Variants in PLXDC2 observed in about 807,000 individuals in gnomAD.
PLXDC2 encodes the protein plexin domain-containing protein 2.
PLXDC2 carries 40 observed loss-of-function variants against 68.9 expected under a neutral mutation model. That is an observed-to-expected ratio of 0.58 (90% CI 0.45 to 0.76). The LOEUF is 0.76. Among genes scored for constraint, PLXDC2 ranks in the 30% least tolerant of loss-of-function variants. The probability of loss-of-function intolerance (pLI) is 0.00; values close to 1 mark genes in which losing one functional copy is unlikely to be tolerated. For synonymous variants in PLXDC2, 243 were observed against 234.2 expected (o/e 1.04, Z -0.34); for missense variants, 644 against 661.9 (o/e 0.97, Z 0.30).
intron 3 of PLXDC2, among the ~76,000 whole-genome samples, chr10:20,067,884 A>C (rs1836240491): frequency 6.6e-6 from 1 of 152,140 alleles, no homozygotes. Flanking sequence ...AGTCAAACTA[A>C]AAAGAACCTC....
At position 20,238,475 on chromosome 10, in the gene PLXDC2, C is replaced by T. The variant is rs187906126; in HGVS notation, c.1313-6870C>T. Among the ~76,000 whole-genome samples the T allele has an allele frequency of 4.7e-3, 706 of 150,048 alleles. 9 individuals are homozygous for T. The highest frequency in any genetic ancestry group is 0.014 in the African/African-American group (574 of 41,068). ...CAGCCTGGCCAACAGGGTGAAACCCCGTCTCTACTAAAAACACAAAAATTA... is the reference window on the plus strand; with the variant it reads ...CAGCCTGGCCAACAGGGTGAAACCCTGTCTCTACTAAAAACACAAAAATTA... On this transcript the variant is annotated intron_variant, in intron 12 of 13. Coordinates refer to ENST00000377252, the MANE Select transcript of PLXDC2 (RefSeq NM_032812.9).
intron 12 of PLXDC2, among the ~76,000 whole-genome samples, chr10:20,223,362 G>C (rs546470174): frequency 4.9e-5 from 7 of 143,362 alleles, no homozygotes; most frequent in African/African-American, 1.5e-4. Flanking sequence ...CCCCCGGCTG[G>C]AGTGCAGTGA....
chr10:20,074,739 T>G (rs1326077101), intron 4 of PLXDC2, among the ~76,000 whole-genome samples: 1 of 152,188 alleles, frequency 6.6e-6, no homozygotes, highest in Non-Finnish European at 1.5e-5. Flanking sequence ...AAGATAGTTA[T>G]TACTCATGAT....
At position 20,143,421 on chromosome 10, in the gene PLXDC2, T is replaced by A; in HGVS notation, c.664+4T>A. The stretch of plus-strand genomic sequence containing the variant: ...ACTGTCAGATATTTTGATAATGGTA[T>A]GTGTTGAGTAGCCTATTTTTTGCTG... On this transcript the variant is annotated splice_donor_region_variant and intron_variant, in intron 5 of 13. Transcript: ENST00000377252. The A allele has an allele frequency of 6.2e-7, 1 of 1,612,438 alleles. No homozygotes were observed. Among genetic ancestry groups the A allele is most frequent in the African/African-American group, 1.3e-5 (1 of 75,000 alleles).
chr10:20,211,053 G>A (rs951063005), intron 9 of PLXDC2, among the ~76,000 whole-genome samples: 6 of 152,094 alleles, frequency 3.9e-5, no homozygotes, highest in Non-Finnish European at 8.8e-5. Flanking sequence ...CTATCTGCAT[G>A]GCTCAAGACC....
At chr10:20,227,752 AGTAGTT>A (rs1835305285) in intron 12 of PLXDC2, among the ~76,000 whole-genome samples, 1 of 152,176 alleles carries the variant, frequency 6.6e-6, no homozygotes, top group South Asian at 2.1e-4. Context: ...TTACATGTTT[AGTAGTT>A]GACCCTTGAA....
chr10:20,275,020 A>G (rs1835987966), intron 13 of PLXDC2, among the ~76,000 whole-genome samples: 1 of 152,188 alleles, frequency 6.6e-6, no homozygotes, highest in African/African-American at 2.4e-5. Context: ...ATTCAACACA[A>G]AATAAGGAAA....
intron 9 of PLXDC2, among the ~76,000 whole-genome samples, chr10:20,191,514 A>G (rs1303455492): frequency 1.3e-5 from 2 of 150,954 alleles, no homozygotes; most frequent in Non-Finnish European, 3.0e-5. Flanking sequence ...CATCAGAATT[A>G]TTCTCTCCTT....
intron 1 of PLXDC2, among the ~76,000 whole-genome samples, chr10:19,981,024 T>C (rs1834541956): frequency 6.6e-6 from 1 of 152,228 alleles, no homozygotes; most frequent in Non-Finnish European, 1.5e-5. Context: ...AATTGGTGCT[T>C]AATGATTTTT....
chr10:19,911,154 C>A (rs953062465), intron 1 of PLXDC2, among the ~76,000 whole-genome samples: 2 of 151,796 alleles, frequency 1.3e-5, no homozygotes, highest in African/African-American at 4.8e-5. Context: ...TTCCTTGATC[C>A]AAGACCATAT....
intron 4 of PLXDC2, among the ~76,000 whole-genome samples, chr10:20,075,214 G>C (rs971577688): frequency 1.5e-4 from 23 of 152,126 alleles, no homozygotes; most frequent in Middle Eastern, 3.4e-3. Context: ...TTGTAGACAG[G>C]ATCTCACTCT....
intron 2 of PLXDC2, among the ~76,000 whole-genome samples, chr10:20,023,203 A>C (rs1432555668): frequency 4.0e-5 from 6 of 151,598 alleles, no homozygotes; most frequent in Non-Finnish European, 7.4e-5. Flanking sequence ...CATTAAAAAG[A>C]AATAAAACAT....
chr10:20,164,641 G>T, intron 7 of PLXDC2, 74 bp downstream of exon 7: 3 of 1,124,650 alleles, frequency 2.7e-6, no homozygotes, highest in Non-Finnish European at 4.0e-6. Context: ...GTCTATGGCA[G>T]CTGTACCTGA....
chr10:19,824,719 A>G (rs1836539639), intron 1 of PLXDC2, among the ~76,000 whole-genome samples: 1 of 152,238 alleles, frequency 6.6e-6, no homozygotes, highest in Admixed American at 6.5e-5. Context: ...TGTGTTATAC[A>G]TTAACAGGAT....
intron 12 of PLXDC2, among the ~76,000 whole-genome samples, chr10:20,231,640 T>C (rs1835365736): frequency 6.6e-6 from 1 of 151,776 alleles, no homozygotes; most frequent in East Asian, 1.9e-4. Context: ...ATTAACACAG[T>C]CATAAGCTTT....
intron 13 of PLXDC2, among the ~76,000 whole-genome samples, chr10:20,250,580 T>C (rs1835663166): frequency 2.0e-5 from 3 of 152,172 alleles, no homozygotes. Flanking sequence ...ATTTGGTCAG[T>C]AGTGGAGTCA....
rs190162608 is a variant in PLXDC2 at position 20,133,339 on chromosome 10, A to T, written c.542-9956A>T. 6.2e-4 allele frequency among the ~76,000 whole-genome samples: 94 copies of T among 152,184 alleles called. 1 individual carries two copies. The East Asian group carries it at 0.018, about 29-fold the overall frequency. On this transcript the variant is annotated intron_variant, in intron 4 of 13. Coordinates refer to ENST00000377252, the MANE Select transcript of PLXDC2 (RefSeq NM_032812.9). ...TATTTTCGCGTTGTTAGTTTCTATC[A>T]TTTCATTTCAACTTAAAGGTTCTCT...
intron 1 of PLXDC2, among the ~76,000 whole-genome samples, chr10:19,964,451 A>G (rs1332363604): frequency 6.6e-6 from 1 of 152,136 alleles, no homozygotes; most frequent in Non-Finnish European, 1.5e-5. Flanking sequence ...ATAGCTTTCC[A>G]TTTTTCATCA....
chr10:20,121,669 A>G (rs945895343), intron 4 of PLXDC2, among the ~76,000 whole-genome samples: 1 of 152,066 alleles, frequency 6.6e-6, no homozygotes, highest in African/African-American at 2.4e-5. Context: ...AGAATAATGG[A>G]TTGTGGAGGG....
Sources: allele counts gnomAD v4.1 joint callset (sites outside exome capture counted in the v4.1 genomes callset), GRCh38; gene constraint gnomAD v4.1.1; transcripts MANE v1.5; gene names NCBI Gene and HGNC (gene_info 2026-07-23, HGNC 2026-07-21).